AGTPBP1: variants seen among roughly 807,000 people sequenced by gnomAD.
AGTPBP1 encodes the protein cytosolic carboxypeptidase 1.
AGTPBP1 carries 70 observed loss-of-function variants against 143.9 expected under a neutral mutation model. The observed-to-expected ratio is 0.49, with a 90% confidence interval of 0.40 to 0.59. The LOEUF (loss-of-function observed/expected upper bound fraction) is 0.59. Ranked by LOEUF, AGTPBP1 falls within the 20% of genes least tolerant of loss-of-function variation. The pLI, the probability that AGTPBP1 is intolerant of heterozygous loss-of-function variation, is 0.00. For missense variants in AGTPBP1, 1,229 were observed against 1,464.5 expected, an observed-to-expected ratio of 0.84 and a Z score of 2.62; for synonymous variants, 463 against 500.2, an observed-to-expected ratio of 0.93 and a Z score of 0.99.
chr9:85,654,806 G>A (rs939409662), intron 11 of AGTPBP1, among the ~76,000 whole-genome samples: 4 of 151,064 alleles, frequency 2.6e-5, no homozygotes, highest in Non-Finnish European at 2.9e-5. Flanking sequence ...TTGCACCACT[G>A]CACTCCACCC....
chr9:85,778,092 G>T, the AGTPBP1 span, among the ~76,000 whole-genome samples: 20 of 152,188 alleles, frequency 1.3e-4, no homozygotes, highest in Non-Finnish European at 2.6e-4. Flanking sequence ...GGCGAGTGGA[G>T]ACCATGGGCA....
chr9:85,630,701 A>G (rs1399709731), intron 14 of AGTPBP1, among the ~76,000 whole-genome samples: 1 of 152,014 alleles, frequency 6.6e-6, no homozygotes, highest in African/African-American at 2.4e-5. Flanking sequence ...ACTGGTCTCA[A>G]ACTCCTGACC....
At chr9:85,641,589 G>T (rs1425721453) in intron 13 of AGTPBP1, among the ~76,000 whole-genome samples, 3 of 152,232 alleles carry the variant, frequency 2.0e-5, no homozygotes, top group East Asian at 3.9e-4. Context: ...GGCAGGGAAG[G>T]CTGCAGAAGG....
chr9:85,805,079 C>T, the AGTPBP1 span, among the ~76,000 whole-genome samples: 1 of 152,210 alleles, frequency 6.6e-6, no homozygotes, highest in Non-Finnish European at 1.5e-5. Flanking sequence ...CCCCGAAGAC[C>T]GTGGCGCCGC....
chr9:85,772,158 T>TATA, the AGTPBP1 span, among the ~76,000 whole-genome samples: 1 of 149,796 alleles, frequency 6.7e-6, no homozygotes, highest in Non-Finnish European at 1.5e-5. Flanking sequence ...GTATTTTTAG[T>TATA]AGAGATGGGG....
intron 14 of AGTPBP1, among the ~76,000 whole-genome samples, chr9:85,626,537 G>A (rs896603332): frequency 2.0e-5 from 3 of 152,152 alleles, no homozygotes; most frequent in African/African-American, 7.2e-5. Context: ...AGGCAAATAA[G>A]CAAACCAGAA....
chr9:85,606,999 G>A (rs1830031871), intron 17 of AGTPBP1, among the ~76,000 whole-genome samples: 2 of 151,772 alleles, frequency 1.3e-5, no homozygotes. Flanking sequence ...AGCAGAGTTG[G>A]GTGACTATCA....
upstream of AGTPBP1, among the ~76,000 whole-genome samples, chr9:85,742,397 GT>G (rs575160123): frequency 2.8e-4 from 43 of 151,952 alleles, no homozygotes; most frequent in East Asian, 7.6e-3. Flanking sequence ...CTTAGGAAGG[GT>G]TCTTAAAGCT....
chr9:85,701,685 T>C (rs879772028), intron 2 of AGTPBP1, among the ~76,000 whole-genome samples: 1 of 152,204 alleles, frequency 6.6e-6, no homozygotes, highest in Non-Finnish European at 1.5e-5. Flanking sequence ...CAGATTGCTT[T>C]ATAAACAGGG....
intron 2 of AGTPBP1, among the ~76,000 whole-genome samples, chr9:85,707,437 C>A (rs1837081966): frequency 6.6e-6 from 1 of 151,798 alleles, no homozygotes. Context: ...ATCAATGAAA[C>A]CAAAAGCTTG....
intron 17 of AGTPBP1, among the ~76,000 whole-genome samples, chr9:85,605,924 A>T (rs1490982579): frequency 6.6e-6 from 1 of 152,064 alleles, no homozygotes; most frequent in African/African-American, 2.4e-5. Flanking sequence ...AAAAGAAATT[A>T]AAAAATATCA....
the AGTPBP1 span, chr9:85,786,320 A>G: frequency 6.2e-7 from 1 of 1,611,444 alleles, no homozygotes; most frequent in Non-Finnish European, 8.5e-7. Flanking sequence ...CCCAGTGGGC[A>G]TATGTTAGGT....
chr9:85,660,883 A>C, intron 9 of AGTPBP1, 53 bp downstream of exon 9: 1 of 1,285,618 alleles, frequency 7.8e-7, no homozygotes, highest in Non-Finnish European at 1.1e-6. Context: ...TAACATAATA[A>C]ATAGAATTCT....
At chr9:85,695,840 C>CT (rs199865745) in intron 2 of AGTPBP1, among the ~76,000 whole-genome samples, 2,529 of 151,404 alleles carry the variant, frequency 0.017, 26 homozygotes, top group Middle Eastern at 0.054. Flanking sequence ...CTTTCCTTTT[C>CT]TTTTACTTTT....
chr9:85,787,077 T>G, the AGTPBP1 span, among the ~76,000 whole-genome samples: 1 of 152,206 alleles, frequency 6.6e-6, no homozygotes, highest in East Asian at 1.9e-4. Flanking sequence ...CTCAGCTTTA[T>G]GGATTGAGGC....
intron 25 of AGTPBP1, among the ~76,000 whole-genome samples, chr9:85,571,787 C>T (rs748197930): frequency 2.0e-5 from 3 of 152,094 alleles, no homozygotes; most frequent in Non-Finnish European, 4.4e-5. Context: ...CACACAGACT[C>T]AGATTGAGAA....
chr9:85,590,432 G>C (rs1236411368), intron 19 of AGTPBP1, among the ~76,000 whole-genome samples: 1 of 152,024 alleles, frequency 6.6e-6, no homozygotes, highest in Non-Finnish European at 1.5e-5. Context: ...GAAAACACAA[G>C]TTTTAATGGT....
chr9:85,585,341 AT>A, intron 23 of AGTPBP1, 121 bp downstream of exon 23: 1 of 1,054,012 alleles, frequency 9.5e-7, no homozygotes, highest in South Asian at 3.2e-5. Flanking sequence ...AAAATGAAAA[AT>A]CTGAAACAAA....
chr9:85,700,956 C>T (rs912642792), intron 2 of AGTPBP1, among the ~76,000 whole-genome samples: 1 of 151,842 alleles, frequency 6.6e-6, no homozygotes, highest in East Asian at 1.9e-4. Flanking sequence ...CTTGTTCTGT[C>T]GCCCAGGCTG....
Sources: allele counts gnomAD v4.1 joint callset (sites outside exome capture counted in the v4.1 genomes callset), GRCh38; gene constraint gnomAD v4.1.1; transcripts MANE v1.5; gene names NCBI Gene and HGNC (gene_info 2026-07-23, HGNC 2026-07-21).